Variants in SUPT3H observed in about 807,000 individuals in gnomAD.
SUPT3H encodes the protein transcription initiation protein SPT3 homolog.
SUPT3H carries 44 observed loss-of-function variants against 44.3 expected under a neutral mutation model. The ratio of observed to expected loss-of-function variants is 0.99; its 90% CI spans 0.78 to 1.28. SUPT3H has a LOEUF of 1.28. Among genes scored for constraint, SUPT3H ranks in the 50% most tolerant of loss-of-function variants. The pLI, the probability that SUPT3H is intolerant of heterozygous loss-of-function variation, is 0.00. For synonymous variants in SUPT3H, 124 were observed against 125.6 expected (o/e 0.99, Z 0.09); for missense variants, 380 against 387.1 (o/e 0.98, Z 0.15).
chr6:45,156,115 A>G (rs930371622), intron 2 of SUPT3H, among the ~76,000 whole-genome samples: 1 of 152,222 alleles, frequency 6.6e-6, no homozygotes, highest in Non-Finnish European at 1.5e-5. Flanking sequence ...CAGCCAATGG[A>G]AGATTCTATG....
intron 3 of SUPT3H, among the ~76,000 whole-genome samples, chr6:45,081,473 C>T (rs1562419167): frequency 6.6e-6 from 1 of 152,062 alleles, no homozygotes; most frequent in East Asian, 1.9e-4. Flanking sequence ...TATTCATTTA[C>T]TTATTGTCCT....
At chr6:45,251,331 A>G (rs1436199092) in intron 2 of SUPT3H, among the ~76,000 whole-genome samples, 2 of 151,998 alleles carry the variant, frequency 1.3e-5, no homozygotes, top group Non-Finnish European at 2.9e-5. Flanking sequence ...CATCTAAATT[A>G]TGTTTCTCTA....
chr6:45,289,734 T>TA (rs1262497582), intron 2 of SUPT3H, among the ~76,000 whole-genome samples: 1 of 152,212 alleles, frequency 6.6e-6, no homozygotes, highest in African/African-American at 2.4e-5. Flanking sequence ...ATACCTCTGT[T>TA]ACGTCATATG....
At chr6:44,840,602 T>A (rs926415441) in intron 10 of SUPT3H, among the ~76,000 whole-genome samples, 8 of 152,258 alleles carry the variant, frequency 5.3e-5, no homozygotes, top group Non-Finnish European at 1.2e-4. Flanking sequence ...CTAGTGGGAT[T>A]TTGTTTGGCA....
chr6:44,836,933 ATAT>A (rs1228426244), intron 10 of SUPT3H, among the ~76,000 whole-genome samples: 1 of 152,222 alleles, frequency 6.6e-6, no homozygotes, highest in African/African-American at 2.4e-5. Context: ...AGCTACTTTT[ATAT>A]TAAAGACAAT....
intron 2 of SUPT3H, among the ~76,000 whole-genome samples, chr6:45,202,286 C>T (rs890923802): frequency 1.3e-5 from 2 of 151,570 alleles, no homozygotes; most frequent in Non-Finnish European, 3.0e-5. Context: ...TTCCTTGGAA[C>T]GTTTACAAAA....
chr6:44,922,934 T>C (rs1049895752), intron 10 of SUPT3H, among the ~76,000 whole-genome samples: 3 of 152,160 alleles, frequency 2.0e-5, no homozygotes, highest in African/African-American at 7.2e-5. Flanking sequence ...GTAATTTTTT[T>C]AAAGCCATAT....
chr6:44,910,994 CAAAAAAA>C lies in SUPT3H; in HGVS notation c.912+21652_912+21658del, dbSNP rs34384511. Among the ~76,000 whole-genome samples the C allele has an allele frequency of 1.5e-3, 96 of 62,696 alleles. 1 individual carries two copies. The highest frequency in any genetic ancestry group is 2.3e-3 in the Non-Finnish European group (87 of 37,954). 41.1% of individuals were successfully genotyped at this position (62,696 alleles called of 152,430 possible). A position where few individuals can be genotyped will look rare whatever the true frequency, so the allele number is the denominator to read the frequency against. ...TGGGCAACAGAGTGAGACTCCATCT[CAAAAAAA>C]AAAAAAAAAAAAAAAAAAAGTAGCT... is the stretch of plus-strand genomic sequence containing the variant. On this transcript the variant is annotated intron_variant, in intron 10 of 10. Transcript: ENST00000371459.
chr6:45,152,081 T>A (rs1807049114), intron 2 of SUPT3H, among the ~76,000 whole-genome samples: 1 of 152,114 alleles, frequency 6.6e-6, no homozygotes, highest in South Asian at 2.1e-4. Context: ...CAAACTTCTA[T>A]GCTAACTTTT....
intron 9 of SUPT3H, among the ~76,000 whole-genome samples, chr6:44,945,749 T>C (rs1562104857): frequency 1.3e-5 from 2 of 152,262 alleles, no homozygotes; most frequent in Admixed American, 1.3e-4. Context: ...CTCTATAATA[T>C]AAAAGTGCAA....
chr6:44,988,590 C>CTAATATTTCT (rs1780160600), intron 6 of SUPT3H, among the ~76,000 whole-genome samples: 1 of 144,480 alleles, frequency 6.9e-6, no homozygotes, highest in Non-Finnish European at 1.5e-5. Flanking sequence ...GTTTACAACA[C>CTAATATTTCT]TAATATTTCT....
At chr6:45,359,172 TATTTTATGTAGCCACATTTATA>T (rs1162661235) in intron 2 of SUPT3H, among the ~76,000 whole-genome samples, 2 of 152,196 alleles carry the variant, frequency 1.3e-5, no homozygotes, top group East Asian at 3.8e-4. Flanking sequence ...AAAAATCAAT[TATTTTATGTAGCCACATTTATA>T]AAATAACATT....
chr6:45,263,275 C>T (rs1436246579), intron 2 of SUPT3H, among the ~76,000 whole-genome samples: 3 of 152,132 alleles, frequency 2.0e-5, no homozygotes, highest in Non-Finnish European at 4.4e-5. Flanking sequence ...AAATGTGGTA[C>T]ATACACACCA....
rs1203193461 is a variant in SUPT3H, at chr6:45,017,291, A to T, written c.274-2400T>A. 2.4e-4 allele frequency among the ~76,000 whole-genome samples: 36 copies of T among 149,152 alleles called. 3 individuals carry two copies. The South Asian group carries it at 7.2e-3, about 30-fold the overall frequency. Reference sequence around the variant, plus strand: ...TTGTGAAAATTTTCTCCCATTTTGTAGGTTGCCTGTTCACTCTGATGGTAG... The same window carrying T: ...TTGTGAAAATTTTCTCCCATTTTGTTGGTTGCCTGTTCACTCTGATGGTAG... On this transcript the variant is annotated intron_variant, in intron 4 of 10. Transcript: ENST00000371459.
chr6:44,856,606 T>C (rs953110719), intron 10 of SUPT3H, among the ~76,000 whole-genome samples: 1 of 152,178 alleles, frequency 6.6e-6, no homozygotes, highest in East Asian at 1.9e-4. Flanking sequence ...TTATCCTATA[T>C]CATTTCAGTT....
rs554246314 is a variant in SUPT3H at position 45,325,845 on chromosome 6, A to C, written c.101+39356T>G. Reference sequence around the variant, plus strand: ...GTGCCCCAGTTGTCATTGTTTTTTAAATTTTTACAACAAAGTAATATTTGC... The same window carrying C: ...GTGCCCCAGTTGTCATTGTTTTTTACATTTTTACAACAAAGTAATATTTGC... On this transcript the variant is annotated intron_variant, in intron 2 of 10. Transcript: ENST00000371459. Among the ~76,000 whole-genome samples the C allele has an allele frequency of 1.9e-3, 282 of 151,938 alleles. 1 individual carries two copies. Among genetic ancestry groups the C allele is most frequent in the African/African-American group, 6.3e-3 (260 of 41,528 alleles).
intron 2 of SUPT3H, among the ~76,000 whole-genome samples, chr6:45,203,266 A>G (rs560978267): frequency 6.6e-6 from 1 of 152,266 alleles, no homozygotes; most frequent in South Asian, 2.1e-4. Flanking sequence ...AAAGTTTATA[A>G]ACGGCATTAA....
intron 3 of SUPT3H, among the ~76,000 whole-genome samples, chr6:45,065,102 C>A (rs1793015217): frequency 6.6e-6 from 1 of 151,028 alleles, no homozygotes; most frequent in South Asian, 2.1e-4. Context: ...GAAATTATAA[C>A]AAACTATCTC....
At chr6:45,180,425 A>C (rs1243144417) in intron 2 of SUPT3H, among the ~76,000 whole-genome samples, 1 of 150,274 alleles carries the variant, frequency 6.7e-6, no homozygotes. Context: ...TCCTAAGCCA[A>C]AAGAACAAAG....
Sources: allele counts gnomAD v4.1 joint callset (sites outside exome capture counted in the v4.1 genomes callset), GRCh38; gene constraint gnomAD v4.1.1; transcripts MANE v1.5; gene names NCBI Gene and HGNC (gene_info 2026-07-23, HGNC 2026-07-21).